The following CEACAM3 variants were observed in gnomAD, a reference collection of about 807,000 sequenced individuals.
CEACAM3 encodes CEA cell adhesion molecule 3.
Under a neutral mutation model 30.1 loss-of-function variants are expected in CEACAM3, and 32 were observed. That is an observed-to-expected ratio of 1.06 (90% CI 0.80 to 1.43). CEACAM3 has a LOEUF of 1.43. Ranked by LOEUF, CEACAM3 falls within the 40% of genes most tolerant of loss-of-function variation. The probability of loss-of-function intolerance (pLI) is 0.00; values close to 1 mark genes in which losing one functional copy is unlikely to be tolerated. For missense variants in CEACAM3, 290 were observed against 316.3 expected (o/e 0.92, Z 0.63); for synonymous variants, 134 against 127.2 (o/e 1.05, Z -0.36).
At chr19:41,809,031 C>G in intron 3 of CEACAM3, 101 bp downstream of exon 3, 1 of 810,094 alleles carries the variant, frequency 1.2e-6, no homozygotes, top group Non-Finnish European at 1.9e-6. Context: ...TCTCCACGGC[C>G]TCCCAAGTCC....
chr19:41,801,906 T>C (rs145960662), intron 2 of CEACAM3, among the ~76,000 whole-genome samples: 7 of 152,330 alleles, frequency 4.6e-5, no homozygotes, highest in African/African-American at 1.4e-4. Flanking sequence ...TCGTAATGTT[T>C]CATTAGTTTA....
intron 3 of CEACAM3, 36 bp downstream of exon 3, chr19:41,808,966 T>A (rs1555827236): frequency 2.1e-6 from 3 of 1,438,030 alleles, no homozygotes; most frequent in Non-Finnish European, 2.8e-6. Flanking sequence ...TCCCACCCCC[T>A]AGGCTGACTC....
intron 2 of CEACAM3, among the ~76,000 whole-genome samples, chr19:41,804,991 C>G (rs377480513): frequency 1.3e-5 from 2 of 152,072 alleles, no homozygotes; most frequent in South Asian, 4.1e-4. Flanking sequence ...TGACCACTGG[C>G]ATGATGTTCA....
chr19:41,811,432 G>T lies in CEACAM3; in HGVS notation c.*195G>T. 1.7e-6 allele frequency: 1 copy of T among 595,462 alleles called. No individual in the cohort carries two copies. Among genetic ancestry groups the T allele is most frequent in the East Asian group, 2.8e-5 (1 of 35,888 alleles). The allele number at this position is 595,462 out of a possible 1,614,324, so 36.9% of individuals were successfully genotyped here. A position where few individuals can be genotyped will look rare whatever the true frequency, so the allele number is the denominator to read the frequency against. On this transcript the variant is annotated 3_prime_UTR_variant, in exon 7 of 7. Transcript: ENST00000357396. ...CTCGACAGCCTGCCCTAGGCCCTGG[G>T]TGGGTCAGGACAAAGGCCTCTCATC...
At chr19:41,803,445 TGTGTGTGTG>T (rs2073169553) in intron 2 of CEACAM3, among the ~76,000 whole-genome samples, 1 of 139,220 alleles carries the variant, frequency 7.2e-6, no homozygotes, top group Admixed American at 7.4e-5. Context: ...TGTGTGTGTG[TGTGTGTGTG>T]TGTGTTGTTT....
chr19:41,800,915 A>G (rs111722988), intron 2 of CEACAM3, among the ~76,000 whole-genome samples: 8,271 of 151,746 alleles, frequency 0.055, 728 homozygotes, highest in African/African-American at 0.19. Context: ...TTATCTCTTT[A>G]TCTTGTGTCT....
At chr19:41,803,750 G>GTGTTAAATA (rs2073175603) in intron 2 of CEACAM3, among the ~76,000 whole-genome samples, 1 of 86,130 alleles carries the variant, frequency 1.2e-5, no homozygotes, top group Non-Finnish European at 3.3e-5. Context: ...ACAGGCATGA[G>GTGTTAAATA]CCACCATGCC....
chr19:41,807,383 G>T, intron 2 of CEACAM3: 1 of 1,583,452 alleles, frequency 6.3e-7, no homozygotes, highest in Admixed American at 1.7e-5. Flanking sequence ...CACGCTGAAT[G>T]TCCTCTGTAT....
At position 41,807,101 on chromosome 19, in the gene CEACAM3, T is replaced by C. The variant is rs10423533; in HGVS notation, c.425-1712T>C. 11 of 1,609,730 alleles carry C rather than the reference T, an allele frequency of 6.8e-6. No homozygotes were observed. In the South Asian group the frequency reaches 9.9e-5, roughly 14 times the overall value. On this transcript the variant is annotated intron_variant, in intron 2 of 6. Transcript: ENST00000357396. ...CACACAGGGCAATCTTCTCTCTGTTTTCTGCACAGCGGAGCTGCCCAAGCC... is the reference window on the plus strand; with the variant it reads ...CACACAGGGCAATCTTCTCTCTGTTCTCTGCACAGCGGAGCTGCCCAAGCC...
At chr19:41,803,466 GTTTGT>G (rs2073171361) in intron 2 of CEACAM3, among the ~76,000 whole-genome samples, 2 of 125,598 alleles carry the variant, frequency 1.6e-5, no homozygotes, top group East Asian at 4.7e-4. Flanking sequence ...GTGTTGTTTT[GTTTGT>G]TTTTTTTTTT....
chr19:41,796,837 G>C (rs1324710806), intron 1 of CEACAM3, 96 bp downstream of exon 1: 4 of 1,335,250 alleles, frequency 3.0e-6, no homozygotes, highest in South Asian at 1.4e-5. Flanking sequence ...GGGACAGAAG[G>C]CTTCTGCTGA....
Position 41,797,592 on chromosome 19 carries a change from C to G in CEACAM3, c.68C>G (p.Ser23Ter). 6.2e-7 allele frequency: 1 copy of G among 1,612,676 alleles called. No individual in the cohort carries two copies. Among genetic ancestry groups the G allele is most frequent in the Non-Finnish European group, 8.5e-7 (1 of 1,179,074 alleles). The change falls in exon 2 of 7, where the codon TCA (serine) becomes TGA (stop). Residue 23 changes from serine to a stop codon, truncating the protein, a stop_gained. Transcript: ENST00000357396. LOFTEE classifies it high-confidence loss of function. Reference sequence around the variant, plus strand: ...ACTGATGCTTTCTCCCTCCTAGCCTCACTTCTAAACTTCTGGAACCCGCCC... The same window carrying G: ...ACTGATGCTTTCTCCCTCCTAGCCTGACTTCTAAACTTCTGGAACCCGCCC... ...IPWQGLLLTASLLNFWNPPTT... is the reference protein window; with the variant it reads ...IPWQGLLLTA
chr19:41,799,540 G>T (rs906998153), intron 2 of CEACAM3, among the ~76,000 whole-genome samples: 1 of 152,132 alleles, frequency 6.6e-6, no homozygotes, highest in East Asian at 1.9e-4. Context: ...TAACACATTA[G>T]CCTAACCTAG....
chr19:41,803,473 T>TTG (rs2073171927), intron 2 of CEACAM3, among the ~76,000 whole-genome samples: 63 of 146,352 alleles, frequency 4.3e-4, no homozygotes, highest in African/African-American at 1.5e-3. Context: ...TTTGTTTGTT[T>TTG]TTTTTTTTTT....
chr19:41,799,894 C>G (rs1322584811), intron 2 of CEACAM3, among the ~76,000 whole-genome samples: 11 of 152,068 alleles, frequency 7.2e-5, no homozygotes, highest in African/African-American at 2.7e-4. Flanking sequence ...TCCTCTAACC[C>G]CTGCCCCTAA....
chr19:41,808,395 C>T (rs2073220478), intron 2 of CEACAM3, among the ~76,000 whole-genome samples: 2 of 152,218 alleles, frequency 1.3e-5, no homozygotes, highest in Non-Finnish European at 2.9e-5. Context: ...GGTTGGTGCC[C>T]ACTGGAACTG....
At position 41,810,860 on chromosome 19, in the gene CEACAM3, C is replaced by T; in HGVS notation, c.656C>T (p.Pro219Leu). ...SMSPLSTAQA[P>L]LPNPRTAASI... ...TCCCCTCTCTCCACTGCCCAGGCCC[C>T]CCTACCCAACCCCAGGACAGCAGCT... is the stretch of plus-strand genomic sequence containing the variant. The change falls in exon 6 of 7, where the codon CCC becomes CTC. Residue 219 changes from proline (P) to leucine (L), a missense_variant. By Grantham distance (98) the Pro-to-Leu change is moderately conservative (BLOSUM62 -3). Transcript: ENST00000357396. 6.2e-7 allele frequency: 1 copy of T among 1,613,518 alleles called. No individual in the cohort carries two copies. The highest frequency in any genetic ancestry group is 8.5e-7 in the Non-Finnish European group (1 of 1,179,730).
At chr19:41,805,789 G>A (rs561354713) in intron 2 of CEACAM3, among the ~76,000 whole-genome samples, 1 of 152,338 alleles carries the variant, frequency 6.6e-6, no homozygotes, top group Admixed American at 6.5e-5. Flanking sequence ...ATTGCCAGCA[G>A]CTTCATGCTC....
At chr19:41,809,881 G>C in intron 3 of CEACAM3, 84 bp from the exon 4 acceptor site, 1 of 1,361,272 alleles carries the variant, frequency 7.3e-7, no homozygotes, top group Non-Finnish European at 1.0e-6. Flanking sequence ...CTTGAAAATG[G>C]GTTTCCCTTC....
Sources: allele counts gnomAD v4.1 joint callset (sites outside exome capture counted in the v4.1 genomes callset), GRCh38; gene constraint gnomAD v4.1.1; transcripts MANE v1.5; gene names NCBI Gene and HGNC (gene_info 2026-07-23, HGNC 2026-07-21).